Variants in SGPP2 observed in about 807,000 individuals in gnomAD.
The protein encoded by SGPP2 is sphingosine-1-phosphate phosphatase 2, also known as sphingosine 1-phosphate phosphohydrolase 2.
A neutral mutation model predicts 33.9 loss-of-function variants in SGPP2; 30 were observed. The observed-to-expected ratio is 0.89, with a 90% CI of 0.66 to 1.20. SGPP2 has a LOEUF of 1.20. SGPP2 is among the 50% of genes most tolerant of loss of function. The pLI, the probability that SGPP2 is intolerant of heterozygous loss-of-function variation, is 0.00. For missense variants in SGPP2, 458 were observed against 532.1 expected (o/e 0.86, Z 1.37); for synonymous variants, 233 against 225.0 (o/e 1.04, Z -0.32).
chr2:222,548,819 C>T (rs1689245525), intron 4 of SGPP2, among the ~76,000 whole-genome samples: 1 of 152,202 alleles, frequency 6.6e-6, no homozygotes, highest in South Asian at 2.1e-4. Flanking sequence ...GTTGCCTCCT[C>T]CTTGTGATTT....
At chr2:222,441,501 A>G (rs547517345) in intron 1 of SGPP2, among the ~76,000 whole-genome samples, 3 of 152,374 alleles carry the variant, frequency 2.0e-5, no homozygotes, top group African/African-American at 7.2e-5. Context: ...AGAGTTTATA[A>G]TATGAAGTTT....
At chr2:222,484,052 T>C (rs539816054) in intron 2 of SGPP2, among the ~76,000 whole-genome samples, 33 of 152,292 alleles carry the variant, frequency 2.2e-4, no homozygotes, top group African/African-American at 7.5e-4. Flanking sequence ...GGGTTTATTA[T>C]AAAAACTGCA....
chr2:222,493,728 C>T (rs1199992957), intron 2 of SGPP2, among the ~76,000 whole-genome samples: 1 of 152,234 alleles, frequency 6.6e-6, no homozygotes, highest in Non-Finnish European at 1.5e-5. Flanking sequence ...ACATTAATAA[C>T]ATCAGAGCTC....
At chr2:222,503,575 T>A (rs1323175621) in intron 2 of SGPP2, among the ~76,000 whole-genome samples, 2 of 152,110 alleles carry the variant, frequency 1.3e-5, no homozygotes, top group East Asian at 1.9e-4. Flanking sequence ...TTTTTCAGTA[T>A]AGTGTGTAGG....
At chr2:222,554,417 G>T (rs1450802720) in intron 4 of SGPP2, among the ~76,000 whole-genome samples, 8 of 152,172 alleles carry the variant, frequency 5.3e-5, no homozygotes, top group African/African-American at 1.7e-4. Flanking sequence ...CCACTGTGAT[G>T]CTATTACAAA....
rs376203316 is a variant in SGPP2 at position 222,478,807 on chromosome 2, A to G, written c.378+4081A>G. Among the ~76,000 whole-genome samples, 71 of 152,238 alleles carry G rather than the reference A, an allele frequency of 4.7e-4. 1 individual carries two copies. The highest frequency in any genetic ancestry group is 1.6e-3 in the African/African-American group (67 of 41,512). Reference sequence around the variant, plus strand: ...TTAGCAGAATTTATGGTTGTTATCAAGTGCTCTCTCCTCACAATCATAATT... The same window carrying G: ...TTAGCAGAATTTATGGTTGTTATCAGGTGCTCTCTCCTCACAATCATAATT... On this transcript the variant is annotated intron_variant, in intron 2 of 4. Transcript: ENST00000321276.
intron 2 of SGPP2, among the ~76,000 whole-genome samples, chr2:222,506,035 C>A (rs960144279): frequency 6.6e-6 from 1 of 150,812 alleles, no homozygotes; most frequent in African/African-American, 2.4e-5. Flanking sequence ...GGAAATTAAA[C>A]ACATGTAAAG....
At chr2:222,523,943 T>C (rs1290879701) in intron 3 of SGPP2, among the ~76,000 whole-genome samples, 2 of 152,164 alleles carry the variant, frequency 1.3e-5, no homozygotes, top group African/African-American at 4.8e-5. Context: ...ACTCATGTGT[T>C]ACAAGGGGAA....
At chr2:222,558,003 G>A (rs576756826) in intron 4 of SGPP2, among the ~76,000 whole-genome samples, 6 of 152,154 alleles carry the variant, frequency 3.9e-5, no homozygotes, top group Admixed American at 1.3e-4. Flanking sequence ...GGTGAAGACG[G>A]TGACAGTATT....
In SGPP2 at chr2:222,561,115, A is replaced by AG. The variant is rs1689530504; in HGVS notation, c.*2217_*2218insG. 1.3e-5 allele frequency among the ~76,000 whole-genome samples: 2 copies of AG among 152,150 alleles called. No individual in the cohort carries two copies. The highest frequency in any genetic ancestry group is 1.3e-4 in the Admixed American group (2 of 15,286). On this transcript the variant is annotated 3_prime_UTR_variant, in exon 5 of 5. Coordinates refer to ENST00000321276, the MANE Select transcript of SGPP2 (RefSeq NM_152386.4). ...GCGAGACTCTCTCAAAAAAAAAAAAAAAGAATTTTTAGCAAAACATCCTGT... is the reference window on the plus strand; with the variant it reads ...GCGAGACTCTCTCAAAAAAAAAAAAAGAAGAATTTTTAGCAAAACATCCTGT...
At position 222,439,673 on chromosome 2, in the gene SGPP2, G is replaced by A. The variant is rs1559143888; in HGVS notation, c.219+14852G>A. Among the ~76,000 whole-genome samples, 3 of 152,208 alleles carry A rather than the reference G, an allele frequency of 2.0e-5. No individual in the cohort carries two copies. In the South Asian group the frequency reaches 6.2e-4, roughly 31 times the overall value. On this transcript the variant is annotated intron_variant, in intron 1 of 4. Coordinates refer to ENST00000321276, the MANE Select transcript of SGPP2 (RefSeq NM_152386.4). Reference sequence around the variant, plus strand: ...ATGATAACTTGGATGTATGTCACGGGCAATAACAAGCCAATTTCAAAAGAT... The same window carrying A: ...ATGATAACTTGGATGTATGTCACGGACAATAACAAGCCAATTTCAAAAGAT...
chr2:222,431,500 G>A (rs903399399), intron 1 of SGPP2, among the ~76,000 whole-genome samples: 1 of 151,980 alleles, frequency 6.6e-6, no homozygotes, highest in African/African-American at 2.4e-5. Flanking sequence ...AGGAGACCTT[G>A]CCCCCCGCCC....
At chr2:222,424,890 C>G (rs1158380787) in intron 1 of SGPP2, 69 bp downstream of exon 1, 2 of 1,205,186 alleles carry the variant, frequency 1.7e-6, no homozygotes, top group African/African-American at 3.2e-5. Context: ...CCCTGCGACT[C>G]CGCCACGCGG....
rs1158312830 is a variant in SGPP2, at chr2:222,424,789, G to T, written c.187G>T (p.Ala63Ser). 1.4e-6 allele frequency: 2 copies of T among 1,396,834 alleles called. No homozygotes were observed. The highest frequency in any genetic ancestry group is 3.1e-5 in the South Asian group (2 of 64,986). 86.5% of individuals were successfully genotyped at this position (1,396,834 alleles called of 1,614,324 possible). The part of the protein sequence containing the change: ...AANGKGGEAP[A>S]NGLRRAAAPE... ...CAACGGCAAGGGCGGCGAGGCTCCGGCCAACGGGCTGCGCAGAGCCGCGGC... is the reference window on the plus strand; with the variant it reads ...CAACGGCAAGGGCGGCGAGGCTCCGTCCAACGGGCTGCGCAGAGCCGCGGC... Residue 63 changes from alanine (A) to serine (S), a missense_variant, in exon 1 of 5, where the codon GCC becomes TCC. Physicochemically the swap from Ala to Ser is moderately conservative, Grantham distance 99. Transcript: ENST00000321276.
intron 1 of SGPP2, among the ~76,000 whole-genome samples, chr2:222,444,231 G>C (rs1208065748): frequency 6.6e-6 from 1 of 152,222 alleles, no homozygotes; most frequent in Non-Finnish European, 1.5e-5. Flanking sequence ...GTAGACTCTA[G>C]TTTGAGCTAA....
At chr2:222,481,016 C>T (rs934292448) in intron 2 of SGPP2, among the ~76,000 whole-genome samples, 2 of 152,172 alleles carry the variant, frequency 1.3e-5, no homozygotes, top group African/African-American at 2.4e-5. Context: ...ACTGCATGTT[C>T]TCACTTATAA....
intron 2 of SGPP2, among the ~76,000 whole-genome samples, chr2:222,521,274 C>T (rs1054467665): frequency 6.6e-6 from 1 of 152,164 alleles, no homozygotes; most frequent in Non-Finnish European, 1.5e-5. Flanking sequence ...ATCTTTAGTG[C>T]AGGACCATCC....
intron 4 of SGPP2, among the ~76,000 whole-genome samples, chr2:222,537,562 A>G (rs1698933693): frequency 6.6e-6 from 1 of 152,246 alleles, no homozygotes; most frequent in South Asian, 2.1e-4. Flanking sequence ...TGGTTTTAAA[A>G]AAAGAATAAC....
chr2:222,542,234 G>A lies in SGPP2; in HGVS notation c.649-16113G>A, dbSNP rs1699008581. ...TATTTGTGAAATTCACCATGTTGCT[G>A]TATGTAGCTCTCATTCATTAATTTT... On this transcript the variant is annotated intron_variant, in intron 4 of 4. Coordinates refer to ENST00000321276, the MANE Select transcript of SGPP2 (RefSeq NM_152386.4). Among the ~76,000 whole-genome samples the A allele has an allele frequency of 4.6e-5, 7 of 152,258 alleles. No homozygotes were observed. The South Asian group carries it at 1.5e-3, about 32-fold the overall frequency.
Sources: allele counts gnomAD v4.1 joint callset (sites outside exome capture counted in the v4.1 genomes callset), GRCh38; gene constraint gnomAD v4.1.1; transcripts MANE v1.5; gene names NCBI Gene and HGNC (gene_info 2026-07-23, HGNC 2026-07-21).